The following TRIM44 variants were observed in gnomAD, a reference collection of about 807,000 sequenced individuals.
The protein encoded by TRIM44 is tripartite motif containing 44, also known as tripartite motif-containing protein 44.
TRIM44 carries 13 observed loss-of-function variants against 37.4 expected under a neutral mutation model. The ratio of observed to expected loss-of-function variants is 0.35; its 90% CI spans 0.23 to 0.55. The LOEUF is 0.55. TRIM44 is among the 20% of genes least tolerant of loss of function. TRIM44 has a pLI of 0.89. For synonymous variants in TRIM44, 175 were observed against 157.2 expected (o/e 1.11, Z -0.85); for missense variants, 426 against 437.2 (o/e 0.97, Z 0.23).
Position 35,813,438 on chromosome 11 carries a change from C to G in TRIM44, c.*7053C>G, listed in dbSNP as rs1268439604. On this transcript the variant is annotated 3_prime_UTR_variant, in exon 5 of 5. Transcript: ENST00000299413. ...AGACAAAGGCCATACATCTAGTCAT[C>G]AGGCACCTCCTCAGAACCTATTTGC... 2 of 152,188 alleles carry G rather than the reference C, an allele frequency of 1.3e-5. No homozygotes were observed. Among genetic ancestry groups the G allele is most frequent in the African/African-American group, 4.8e-5 (2 of 41,430 alleles). The allele number at this position is 152,188 out of a possible 1,614,324, so 9.4% of individuals were successfully genotyped here. A position where few individuals can be genotyped will look rare whatever the true frequency, so the allele number is the denominator to read the frequency against.
chr11:35,780,947 G>A (rs1340824176), intron 4 of TRIM44, among the ~76,000 whole-genome samples: 2 of 152,166 alleles, frequency 1.3e-5, no homozygotes, highest in African/African-American at 2.4e-5. Flanking sequence ...CCCTTCTGTG[G>A]TGGAATTTAA....
chr11:35,701,832 A>G (rs1399956652), intron 2 of TRIM44, among the ~76,000 whole-genome samples: 1 of 152,112 alleles, frequency 6.6e-6, no homozygotes, highest in Non-Finnish European at 1.5e-5. Context: ...GACTTTTACG[A>G]TTCATTTAAC....
intron 4 of TRIM44, among the ~76,000 whole-genome samples, chr11:35,775,345 C>T (rs566571896): frequency 6.6e-6 from 1 of 152,302 alleles, no homozygotes; most frequent in Non-Finnish European, 1.5e-5. Flanking sequence ...GCTGAAGTTG[C>T]TTATCAGCTT....
chr11:35,771,614 A>G (rs1852872191), intron 4 of TRIM44, among the ~76,000 whole-genome samples: 1 of 152,068 alleles, frequency 6.6e-6, no homozygotes, highest in Non-Finnish European at 1.5e-5. Flanking sequence ...AATCTCAGCT[A>G]CTTGGGAGGC....
intron 4 of TRIM44, among the ~76,000 whole-genome samples, chr11:35,758,252 A>G (rs1033856719): frequency 2.0e-5 from 3 of 147,748 alleles, no homozygotes; most frequent in African/African-American, 7.3e-5. Context: ...GCCATTATGT[A>G]ATGGCCTTCT....
intron 2 of TRIM44, among the ~76,000 whole-genome samples, chr11:35,701,699 T>G (rs1434177241): frequency 6.6e-6 from 1 of 152,172 alleles, no homozygotes; most frequent in African/African-American, 2.4e-5. Flanking sequence ...TATCCTAAGG[T>G]ACCCCTCTTT....
rs1439797975 is a variant in TRIM44, at chr11:35,813,117, T to G, written c.*6732T>G. On this transcript the variant is annotated 3_prime_UTR_variant, in exon 5 of 5. Coordinates refer to ENST00000299413, the MANE Select transcript of TRIM44 (RefSeq NM_017583.6). ...CTTATCTGTTTTAAAGTTCACTTAC[T>G]GAGTTCAGCTGTCACGGCCACAGCA... 2 of 152,230 alleles carry G rather than the reference T, an allele frequency of 1.3e-5. No homozygotes were observed. Among genetic ancestry groups the G allele is most frequent in the African/African-American group, 2.4e-5 (1 of 41,466 alleles). 9.4% of individuals were successfully genotyped at this position (152,230 alleles called of 1,614,324 possible). A position where few individuals can be genotyped will look rare whatever the true frequency, so the allele number is the denominator to read the frequency against.
intron 4 of TRIM44, among the ~76,000 whole-genome samples, chr11:35,751,827 A>G (rs1852562813): frequency 6.6e-6 from 1 of 152,228 alleles, no homozygotes; most frequent in Non-Finnish European, 1.5e-5. Context: ...CACCTTTACA[A>G]TTTACAGGAT....
intron 2 of TRIM44, among the ~76,000 whole-genome samples, chr11:35,694,143 A>T (rs796271856): frequency 3.9e-5 from 6 of 152,144 alleles, no homozygotes; most frequent in Middle Eastern, 3.2e-3. Flanking sequence ...CTTTTAGCCA[A>T]TTCTATTATT....
chr11:35,687,141 C>G (rs772687124), intron 2 of TRIM44, among the ~76,000 whole-genome samples: 2 of 152,188 alleles, frequency 1.3e-5, no homozygotes. Flanking sequence ...TCATGCAAAC[C>G]AAGCACTGGA....
At chr11:35,783,259 T>TGTCA (rs1421449387) in intron 4 of TRIM44, among the ~76,000 whole-genome samples, 4 of 152,202 alleles carry the variant, frequency 2.6e-5, no homozygotes, top group Non-Finnish European at 5.9e-5. Context: ...TTCTCCAGAA[T>TGTCA]GTCAGCCTGA....
intron 4 of TRIM44, among the ~76,000 whole-genome samples, chr11:35,770,936 G>A (rs990168101): frequency 2.1e-4 from 32 of 152,098 alleles, no homozygotes; most frequent in East Asian, 1.5e-3. Flanking sequence ...CATGTGGAAC[G>A]CTAAGCCCAA....
intron 4 of TRIM44, among the ~76,000 whole-genome samples, chr11:35,773,760 T>C (rs1306690119): frequency 6.6e-6 from 1 of 152,216 alleles, no homozygotes; most frequent in Non-Finnish European, 1.5e-5. Context: ...CTCAGAATGA[T>C]GGTTTCCAGC....
chr11:35,721,260 C>T (rs1300236411), intron 2 of TRIM44, among the ~76,000 whole-genome samples: 1 of 152,060 alleles, frequency 6.6e-6, no homozygotes, highest in Non-Finnish European at 1.5e-5. Context: ...TTGAGATTTT[C>T]TTTAAGCCAC....
intron 2 of TRIM44, among the ~76,000 whole-genome samples, chr11:35,699,590 A>C (rs1851755660): frequency 6.6e-6 from 1 of 152,018 alleles, no homozygotes; most frequent in African/African-American, 2.4e-5. Flanking sequence ...ATAGTGTTGA[A>C]AGTCCTGGCC....
At chr11:35,732,263 G>A (rs1318033303) in intron 3 of TRIM44, among the ~76,000 whole-genome samples, 5 of 152,084 alleles carry the variant, frequency 3.3e-5, no homozygotes, top group Admixed American at 3.3e-4. Context: ...ATTTCCACTG[G>A]TGGAGGTAGA....
At chr11:35,796,456 C>A (rs1269642974) in intron 4 of TRIM44, among the ~76,000 whole-genome samples, 1 of 152,198 alleles carries the variant, frequency 6.6e-6, no homozygotes, top group Non-Finnish European at 1.5e-5. Context: ...TTTAAGATTT[C>A]TATGGAAGGA....
chr11:35,699,468 C>T (rs1227852670), intron 2 of TRIM44, among the ~76,000 whole-genome samples: 4 of 151,904 alleles, frequency 2.6e-5, no homozygotes, highest in Non-Finnish European at 4.4e-5. Context: ...TAATAAGAGC[C>T]ATCTATGACA....
intron 4 of TRIM44, among the ~76,000 whole-genome samples, chr11:35,754,063 A>C (rs1025063650): frequency 2.7e-5 from 4 of 150,246 alleles, no homozygotes; most frequent in African/African-American, 1.0e-4. Context: ...AAAAAAGAAA[A>C]AAAGAAATTT....
Sources: allele counts gnomAD v4.1 joint callset (sites outside exome capture counted in the v4.1 genomes callset), GRCh38; gene constraint gnomAD v4.1.1; transcripts MANE v1.5; gene names NCBI Gene and HGNC (gene_info 2026-07-23, HGNC 2026-07-21).